FAM81A: variants seen among roughly 807,000 people sequenced by gnomAD.
FAM81A encodes the protein family with sequence similarity 81 member A.
A neutral mutation model predicts 46.7 loss-of-function variants in FAM81A; 19 were observed. That is an observed-to-expected ratio of 0.41 (90% CI 0.28 to 0.60). The LOEUF is 0.60. Ranked by LOEUF, FAM81A falls within the 20% of genes least tolerant of loss-of-function variation. The pLI is 0.34. For missense variants in FAM81A, 377 were observed against 453.5 expected, an observed-to-expected ratio of 0.83 and a Z score of 1.53; for synonymous variants, 183 against 152.9, an observed-to-expected ratio of 1.20 and a Z score of -1.45.
chr15:59,493,396 G>A (rs1169070770), intron 4 of FAM81A, among the ~76,000 whole-genome samples: 1 of 152,168 alleles, frequency 6.6e-6, no homozygotes, highest in Non-Finnish European at 1.5e-5. Flanking sequence ...GTCCTCATCA[G>A]GATGAACTCC....
At chr15:59,514,843 A>G (rs546767981) in intron 7 of FAM81A, among the ~76,000 whole-genome samples, 1 of 152,328 alleles carries the variant, frequency 6.6e-6, no homozygotes, top group South Asian at 2.1e-4. Context: ...GTGAGATACC[A>G]CAGTGCAACA....
intron 2 of FAM81A, among the ~76,000 whole-genome samples, chr15:59,410,128 G>A (rs1391916717): frequency 1.3e-5 from 2 of 151,980 alleles, no homozygotes; most frequent in Non-Finnish European, 2.9e-5. Context: ...GTGAAATCCC[G>A]TCTCTACTAA....
At chr15:59,517,629 G>C (rs138074107) in intron 8 of FAM81A, among the ~76,000 whole-genome samples, 1 of 152,190 alleles carries the variant, frequency 6.6e-6, no homozygotes, top group Non-Finnish European at 1.5e-5. Flanking sequence ...AAATTGTTCT[G>C]TTTTGGCCAC....
chr15:59,439,486 A>G (rs576432853), intron 1 of FAM81A, among the ~76,000 whole-genome samples: 3 of 152,196 alleles, frequency 2.0e-5, no homozygotes, highest in African/African-American at 4.8e-5. Context: ...GCCCCCTTCC[A>G]TATCCACTGT....
chr15:59,427,670 T>A (rs376865175), intron 2 of FAM81A, among the ~76,000 whole-genome samples: 3 of 152,224 alleles, frequency 2.0e-5, no homozygotes, highest in African/African-American at 7.2e-5. Context: ...TGTCTTTCTG[T>A]GCCTGTTTTA....
At chr15:59,445,531 G>A (rs1472229529) in intron 1 of FAM81A, 5 of 152,110 alleles carry the variant, frequency 3.3e-5, no homozygotes, top group African/African-American at 4.8e-5. Flanking sequence ...TACTCAAGTC[G>A]TTACTCCACG....
intron 1 of FAM81A, among the ~76,000 whole-genome samples, chr15:59,441,358 G>A (rs1379820502): frequency 6.6e-6 from 1 of 152,224 alleles, no homozygotes; most frequent in African/African-American, 2.4e-5. Context: ...TGTTCCGTAT[G>A]GTAGTCACTG....
intron 3 of FAM81A, among the ~76,000 whole-genome samples, chr15:59,470,406 T>C (rs1276256565): frequency 1.3e-5 from 2 of 152,230 alleles, no homozygotes; most frequent in Non-Finnish European, 2.9e-5. Context: ...TAATTTCTTT[T>C]TACTCTTTTT....
chr15:59,507,347 G>A lies in FAM81A; in HGVS notation c.543+5G>A. 6.2e-7 allele frequency: 1 copy of A among 1,611,084 alleles called. No individual in the cohort carries two copies. The highest frequency in any genetic ancestry group is 8.5e-7 in the Non-Finnish European group (1 of 1,178,604). On this transcript the variant is annotated splice_donor_5th_base_variant and intron_variant, in intron 5 of 8. Coordinates refer to ENST00000288228, the MANE Select transcript of FAM81A (RefSeq NM_152450.3). The stretch of plus-strand genomic sequence containing the variant: ...ATCAAAGATGCAGAGGGACAGGTAC[G>A]ACCTGTTTCAGGTAGCTTTTAGAAG...
intron 4 of FAM81A, among the ~76,000 whole-genome samples, chr15:59,497,852 C>A (rs561185072): frequency 6.6e-6 from 1 of 152,128 alleles, no homozygotes; most frequent in Non-Finnish European, 1.5e-5. Flanking sequence ...ACAAATAAGC[C>A]TTTATTTAAA....
intron 4 of FAM81A, among the ~76,000 whole-genome samples, chr15:59,501,555 G>A (rs1413377883): frequency 1.3e-5 from 2 of 152,138 alleles, no homozygotes; most frequent in African/African-American, 4.8e-5. Flanking sequence ...ATGTCATTGG[G>A]TTTGGTATGT....
Position 59,438,266 on chromosome 15 carries a change from G to C in FAM81A, c.-94G>C, listed in dbSNP as rs2081258184. 6.6e-6 allele frequency: 1 copy of C among 150,750 alleles called. No homozygotes were observed. Among genetic ancestry groups the C allele is most frequent in the South Asian group, 2.1e-4 (1 of 4,814 alleles). 9.3% of individuals were successfully genotyped at this position (150,750 alleles called of 1,614,324 possible). On this transcript the variant is annotated 5_prime_UTR_variant, in exon 1 of 9. Coordinates refer to ENST00000288228, the MANE Select transcript of FAM81A (RefSeq NM_152450.3). ...GCGAGGACATGGGCAGCCGCGGCGCGCCCACCCCCCGCGCCGGTGAGTGCC... is the reference window on the plus strand; with the variant it reads ...GCGAGGACATGGGCAGCCGCGGCGCCCCCACCCCCCGCGCCGGTGAGTGCC...
At chr15:59,479,043 G>A (rs2081810989) in intron 3 of FAM81A, among the ~76,000 whole-genome samples, 2 of 152,224 alleles carry the variant, frequency 1.3e-5, no homozygotes, top group South Asian at 4.1e-4. Context: ...GCCAGGCATT[G>A]TTAGAGGCAC....
At chr15:59,488,218 C>A (rs935638392) in intron 3 of FAM81A, among the ~76,000 whole-genome samples, 10 of 152,152 alleles carry the variant, frequency 6.6e-5, no homozygotes, top group African/African-American at 2.2e-4. Context: ...TAAAATTCAA[C>A]ATCCCTTCAT....
chr15:59,471,170 G>T (rs576193861), intron 3 of FAM81A, among the ~76,000 whole-genome samples: 1 of 152,222 alleles, frequency 6.6e-6, no homozygotes, highest in East Asian at 1.9e-4. Context: ...CTTGTTTGGT[G>T]GCCTTCTGTA....
intron 1 of FAM81A, among the ~76,000 whole-genome samples, chr15:59,458,336 A>G (rs1259044275): frequency 6.6e-6 from 1 of 152,188 alleles, no homozygotes; most frequent in African/African-American, 2.4e-5. Context: ...TAGCAATATT[A>G]ATTTCAGAAG....
At chr15:59,416,143 T>G (rs1478159106) in intron 2 of FAM81A, among the ~76,000 whole-genome samples, 1 of 152,206 alleles carries the variant, frequency 6.6e-6, no homozygotes, top group African/African-American at 2.4e-5. Context: ...CTGAGAGAAC[T>G]TGGGTACAGG....
chr15:59,405,263 G>A (rs1411205907), intron 2 of FAM81A, among the ~76,000 whole-genome samples: 1 of 152,180 alleles, frequency 6.6e-6, no homozygotes, highest in Non-Finnish European at 1.5e-5. Flanking sequence ...TAATGTATGT[G>A]GGATGAATGA....
intron 3 of FAM81A, among the ~76,000 whole-genome samples, chr15:59,490,906 G>C (rs2081973570): frequency 6.6e-6 from 1 of 152,136 alleles, no homozygotes. Flanking sequence ...CCAAAAGACA[G>C]GCAATATCAA....
Sources: gnomAD v4.1 joint callset for allele counts (sites outside exome capture counted in the v4.1 genomes callset) on GRCh38, gnomAD v4.1.1 for gene constraint, MANE v1.5 for transcripts, NCBI Gene and HGNC (gene_info 2026-07-23, HGNC 2026-07-21) for gene names.